Variants in GAPDH observed in about 807,000 individuals in gnomAD.
GAPDH encodes the protein glyceraldehyde-3-phosphate dehydrogenase.
GAPDH carries 13 observed loss-of-function variants against 31.2 expected under a neutral mutation model. The observed-to-expected ratio is 0.42, with a 90% CI of 0.27 to 0.66. The LOEUF is 0.66. GAPDH is among the 30% of genes least tolerant of loss of function. The probability of loss-of-function intolerance (pLI) is 0.26; values close to 1 mark genes in which losing one functional copy is unlikely to be tolerated. For synonymous variants in GAPDH, 211 were observed against 166.9 expected, an observed-to-expected ratio of 1.26 and a Z score of -2.04; for missense variants, 300 against 443.7, an observed-to-expected ratio of 0.68 and a Z score of 2.91.
rs748236618 is a variant in GAPDH at position 6,538,215 on chromosome 12, G to A, written c.*45G>A. The A allele has an allele frequency of 6.6e-7, 1 of 1,511,924 alleles. No individual in the cohort carries two copies. The highest frequency in any genetic ancestry group is 1.4e-5 in the African/African-American group (1 of 72,982). The allele number at this position is 1,511,924 out of a possible 1,614,324, so 93.7% of individuals were successfully genotyped here. ...CCAGCAAGAGCACAAGAGGAAGAGAGAGACCCTCACTGCTGGGGAGTCCCT... is the reference window on the plus strand; with the variant it reads ...CCAGCAAGAGCACAAGAGGAAGAGAAAGACCCTCACTGCTGGGGAGTCCCT... On this transcript the variant is annotated 3_prime_UTR_variant, in exon 9 of 9. Coordinates refer to ENST00000229239, the MANE Select transcript of GAPDH (RefSeq NM_002046.7).
chr12:6,534,559 T>A lies in GAPDH; in HGVS notation c.-34T>A, dbSNP rs1946414920. 5 of 523,892 alleles carry A rather than the reference T, an allele frequency of 9.5e-6. No individual in the cohort carries two copies. The highest frequency in any genetic ancestry group is 1.7e-5 in the Non-Finnish European group (5 of 294,490). The allele number at this position is 523,892 out of a possible 1,614,324, so 32.5% of individuals were successfully genotyped here. A position where few individuals can be genotyped will look rare whatever the true frequency, so the allele number is the denominator to read the frequency against. On this transcript the variant is annotated 5_prime_UTR_variant, in exon 1 of 9. Coordinates refer to ENST00000229239, the MANE Select transcript of GAPDH (RefSeq NM_002046.7). ...TTCGACAGTCAGCCGCATCTTCTTT[T>A]GCGTCGCCAGGTGAAGACGGGCGGA...
Position 6,537,270 on chromosome 12 carries a change from G to T in GAPDH, c.444-39G>T. On this transcript the variant is annotated intron_variant, in intron 6 of 8. Transcript: ENST00000229239. This position sits in a 1 kb window ranked among gnomAD's most constrained non-coding sequence, Gnocchi z 4.9. ...GGCCAGCCTGGCACCCTATGGACAC[G>T]CTCCCCTGACTTGCGCCCCGCTCCC... is the stretch of plus-strand genomic sequence containing the variant. 6.3e-7 allele frequency: 1 copy of T among 1,597,892 alleles called. No individual in the cohort carries two copies. The highest frequency in any genetic ancestry group is 2.3e-5 in the East Asian group (1 of 43,672).
At position 6,537,420 on chromosome 12, in the gene GAPDH, T is replaced by C. The variant is rs1565554452; in HGVS notation, c.525+30T>C. The C allele has an allele frequency of 6.3e-7, 1 of 1,598,952 alleles. No homozygotes were observed. The highest frequency in any genetic ancestry group is 1.7e-5 in the Admixed American group (1 of 59,942). On this transcript the variant is annotated intron_variant, in intron 7 of 8. Transcript: ENST00000229239. The surrounding 1 kb of genome is among the most constrained non-coding windows in gnomAD (Gnocchi z 4.9). ...GAGAGCTGGGGAATGGGACTGAGGC[T>C]CCCACCTTTCTCATCCAAGACTGGC...
In GAPDH at chr12:6,535,471, T is replaced by C. The variant is rs146656407; in HGVS notation, c.29+610T>C. ...ATGCTTTTCCTAGATTATTCTCTGGTAAATCAAAGAAGTGGGTTTATGGAG... is the reference window on the plus strand; with the variant it reads ...ATGCTTTTCCTAGATTATTCTCTGGCAAATCAAAGAAGTGGGTTTATGGAG... On this transcript the variant is annotated intron_variant, in intron 2 of 8. Transcript: ENST00000229239. 3.9e-5 allele frequency: 38 copies of C among 986,032 alleles called. No individual in the cohort carries two copies. The African/African-American group carries it at 6.5e-4, about 17-fold the overall frequency. The allele number at this position is 986,032 out of a possible 1,614,324, so 61.1% of individuals were successfully genotyped here. A position where few individuals can be genotyped will look rare whatever the true frequency, so the allele number is the denominator to read the frequency against.
chr12:6,534,656 TGC>T, intron 1 of GAPDH, 87 bp downstream of exon 1: 1 of 708,158 alleles, frequency 1.4e-6, no homozygotes. Context: ...TTCGCGCCGC[TGC>T]GGGGTGGGCC....
chr12:6,536,330 C>T (rs1257264975), intron 2 of GAPDH, among the ~76,000 whole-genome samples, 164 bp from the exon 3 acceptor site: 2 of 152,176 alleles, frequency 1.3e-5, no homozygotes, highest in Admixed American at 1.3e-4. Flanking sequence ...TAAGCCAGGC[C>T]AGCCTGGCAG....
intron 8 of GAPDH, 45 bp downstream of exon 8, chr12:6,538,041 C>T: frequency 6.3e-7 from 1 of 1,597,600 alleles, no homozygotes. Context: ...AGTGCAGGGT[C>T]TGGCGCCCTC....
intron 2 of GAPDH, chr12:6,535,203 C>T: frequency 9.1e-7 from 1 of 1,102,608 alleles, no homozygotes; most frequent in Non-Finnish European, 1.1e-6. Flanking sequence ...AGAGGAGCCC[C>T]TCCCCCACGG....
At chr12:6,536,468 A>G (rs1233785094) in intron 2 of GAPDH, 26 bp from the exon 3 acceptor site, 13 of 1,568,274 alleles carry the variant, frequency 8.3e-6, no homozygotes, top group Non-Finnish European at 1.1e-5. Flanking sequence ...TCCCCTCCTC[A>G]TGCCTTCTTG....
chr12:6,537,823 T>C lies in GAPDH; in HGVS notation c.765T>C (p.Tyr255=), dbSNP rs771525480. The change falls in exon 8 of 9, where the codon TAT becomes TAC. Residue 255 remains tyrosine, a synonymous_variant. Transcript: ENST00000229239. The surrounding 1 kb of genome is among the most constrained non-coding windows in gnomAD (Gnocchi z 4.9). ...GCCGTCTAGAAAAACCTGCCAAATA[T>C]GATGACATCAAGAAGGTGGTGAAGC... ...LTCRLEKPAK[Y]DDIKKVVKQA... is the part of the protein sequence containing the mutation. The C allele has an allele frequency of 3.3e-5, 54 of 1,612,086 alleles. No homozygotes were observed. The highest frequency in any genetic ancestry group is 4.5e-5 in the Non-Finnish European group (53 of 1,179,884).
Position 6,538,246 on chromosome 12 carries a change from A to C in GAPDH, c.*76A>C. ...CTCACTGCTGGGGAGTCCCTGCCAC[A>C]CTCAGTCCCCCACCACACTGAATCT... is the stretch of plus-strand genomic sequence containing the variant. On this transcript the variant is annotated 3_prime_UTR_variant, in exon 9 of 9. Coordinates refer to ENST00000229239, the MANE Select transcript of GAPDH (RefSeq NM_002046.7). 11 of 1,171,560 alleles carry C rather than the reference A, an allele frequency of 9.4e-6. No individual in the cohort carries two copies. In the South Asian group the frequency reaches 1.3e-4, roughly 14 times the overall value. The allele number at this position is 1,171,560 out of a possible 1,614,324, so 72.6% of individuals were successfully genotyped here.
intron 2 of GAPDH, 44 bp downstream of exon 2, chr12:6,534,905 C>A: frequency 6.2e-7 from 1 of 1,604,222 alleles, no homozygotes; most frequent in Non-Finnish European, 8.5e-7. Context: ...GCGACCGCCC[C>A]CGAACCGCGT....
Position 6,537,461 on chromosome 12 carries a change from C to T in GAPDH, c.525+71C>T. The T allele has an allele frequency of 6.3e-7, 1 of 1,575,008 alleles. No homozygotes were observed. Among genetic ancestry groups the T allele is most frequent in the South Asian group, 1.1e-5 (1 of 89,742 alleles). Reference sequence around the variant, plus strand: ...CAAGACTGGCTCCTCCCTGCCGGGGCTGCGTGCAACCCTGGGGTTGGGGGT... The same window carrying T: ...CAAGACTGGCTCCTCCCTGCCGGGGTTGCGTGCAACCCTGGGGTTGGGGGT... On this transcript the variant is annotated intron_variant, in intron 7 of 8. Coordinates refer to ENST00000229239, the MANE Select transcript of GAPDH (RefSeq NM_002046.7). This position sits in a 1 kb window ranked among gnomAD's most constrained non-coding sequence, Gnocchi z 4.9.
rs751811965 is a variant in GAPDH at position 6,537,412 on chromosome 12, A to G, written c.525+22A>G. On this transcript the variant is annotated intron_variant, in intron 7 of 8. Transcript: ENST00000229239. The surrounding 1 kb of genome is among the most constrained non-coding windows in gnomAD (Gnocchi z 4.9). ...CATGGTATGAGAGCTGGGGAATGGG[A>G]CTGAGGCTCCCACCTTTCTCATCCA... 1.2e-6 allele frequency: 2 copies of G among 1,602,622 alleles called. No homozygotes were observed.
intron 4 of GAPDH, 63 bp downstream of exon 4, chr12:6,536,853 C>G: frequency 1.3e-6 from 2 of 1,585,992 alleles, no homozygotes; most frequent in East Asian, 4.5e-5. Context: ...GTGTGGCTCC[C>G]TTGGGTATAT....
chr12:6,534,541 G>C lies in GAPDH; in HGVS notation c.-52G>C, dbSNP rs945260926. The stretch of plus-strand genomic sequence containing the variant: ...CGCTCTCTGCTCCTCCTGTTCGACA[G>C]TCAGCCGCATCTTCTTTTGCGTCGC... On this transcript the variant is annotated 5_prime_UTR_variant, in exon 1 of 9. Coordinates refer to ENST00000229239, the MANE Select transcript of GAPDH (RefSeq NM_002046.7). The C allele has an allele frequency of 6.0e-6, 3 of 500,020 alleles. No individual in the cohort carries two copies. Among genetic ancestry groups the C allele is most frequent in the Middle Eastern group, 5.5e-4 (1 of 1,832 alleles). The allele number at this position is 500,020 out of a possible 1,614,324, so 31.0% of individuals were successfully genotyped here.
At chr12:6,534,777 A>T (rs1010624608) in intron 1 of GAPDH, 33 bp from the exon 2 acceptor site, 1 of 1,595,702 alleles carries the variant, frequency 6.3e-7, no homozygotes, top group Non-Finnish European at 8.6e-7. Flanking sequence ...GGCCGGGGCC[A>T]CTAGGCGCTC....
At position 6,538,200 on chromosome 12, in the gene GAPDH, C is replaced by T. The variant is rs1213035968; in HGVS notation, c.*30C>T. On this transcript the variant is annotated 3_prime_UTR_variant, in exon 9 of 9. Coordinates refer to ENST00000229239, the MANE Select transcript of GAPDH (RefSeq NM_002046.7). ...CCTGGACCACCAGCCCCAGCAAGAG[C>T]ACAAGAGGAAGAGAGAGACCCTCAC... 3 of 1,576,580 alleles carry T rather than the reference C, an allele frequency of 1.9e-6. No individual in the cohort carries two copies. Among genetic ancestry groups the T allele is most frequent in the African/African-American group, 1.3e-5 (1 of 74,296 alleles).
Position 6,537,748 on chromosome 12 carries a change from C to T in GAPDH, c.690C>T (p.Gly230=), listed in dbSNP as rs1275841800. 2 of 1,611,736 alleles carry T rather than the reference C, an allele frequency of 1.2e-6. No homozygotes were observed. The highest frequency in any genetic ancestry group is 1.7e-6 in the Non-Finnish European group (2 of 1,179,848). The change falls in exon 8 of 9, where the codon GGC becomes GGT. Residue 230 remains glycine, a synonymous_variant. Coordinates refer to ENST00000229239, the MANE Select transcript of GAPDH (RefSeq NM_002046.7). This position sits in a 1 kb window ranked among gnomAD's most constrained non-coding sequence, Gnocchi z 4.9. ...CTGAGCTGAACGGGAAGCTCACTGGCATGGCCTTCCGTGTCCCCACTGCCA... is the reference window on the plus strand; with the variant it reads ...CTGAGCTGAACGGGAAGCTCACTGGTATGGCCTTCCGTGTCCCCACTGCCA... ...VIPELNGKLT[G]MAFRVPTANV... is the part of the protein sequence containing the mutation.
Sources: allele counts gnomAD v4.1 joint callset (sites outside exome capture counted in the v4.1 genomes callset), GRCh38; gene constraint gnomAD v4.1.1; non-coding constraint Gnocchi (gnomAD v3.1); transcripts MANE v1.5; gene names NCBI Gene and HGNC (gene_info 2026-07-23, HGNC 2026-07-21).